KLHL2: variants seen among roughly 807,000 people sequenced by gnomAD.
KLHL2 encodes kelch-like protein 2.
Under a neutral mutation model 75.8 loss-of-function variants are expected in KLHL2, and 15 were observed. That is an observed-to-expected ratio of 0.20 (90% CI 0.13 to 0.30). The LOEUF is 0.30. Among genes scored for constraint, KLHL2 ranks in the 10% least tolerant of loss-of-function variants. The probability of loss-of-function intolerance (pLI) is 1.00; values close to 1 mark genes in which losing one functional copy is unlikely to be tolerated. For missense variants in KLHL2, 381 were observed against 741.0 expected (o/e 0.51, Z 5.64); for synonymous variants, 214 against 251.9 (o/e 0.85, Z 1.42).
intron 3 of KLHL2, among the ~76,000 whole-genome samples, chr4:165,230,429 AT>A (rs2111046054): frequency 6.6e-6 from 1 of 152,304 alleles, no homozygotes; most frequent in South Asian, 2.1e-4. Flanking sequence ...ATATGTGTGA[AT>A]TTCTTAGCAC....
intron 5 of KLHL2, among the ~76,000 whole-genome samples, chr4:165,292,446 C>T (rs548666895): frequency 6.6e-6 from 1 of 152,226 alleles, no homozygotes; most frequent in South Asian, 2.1e-4. Context: ...AATCCTGCCT[C>T]CTCAGCCTCC....
chr4:165,226,034 G>A (rs982531444), intron 2 of KLHL2, among the ~76,000 whole-genome samples: 2 of 152,178 alleles, frequency 1.3e-5, no homozygotes, highest in Non-Finnish European at 2.9e-5. Context: ...AATGTAATTA[G>A]TTATGTGATT....
chr4:165,312,888 G>T (rs1442183864), intron 11 of KLHL2, among the ~76,000 whole-genome samples: 1 of 151,946 alleles, frequency 6.6e-6, no homozygotes, highest in Non-Finnish European at 1.5e-5. Context: ...CCTTTTTTCC[G>T]ATTTCCTAAG....
intron 5 of KLHL2, among the ~76,000 whole-genome samples, chr4:165,266,401 T>C (rs1742246372): frequency 6.6e-6 from 1 of 152,246 alleles, no homozygotes. Flanking sequence ...TGCCCATGCC[T>C]ATGTCCTGAA....
intron 2 of KLHL2, among the ~76,000 whole-genome samples, chr4:165,223,687 T>C (rs1738192822): frequency 6.6e-6 from 1 of 152,116 alleles, no homozygotes; most frequent in African/African-American, 2.4e-5. Context: ...CATGCTAAGA[T>C]TAATGATGTT....
chr4:165,248,764 A>T (rs1170905295), intron 4 of KLHL2, among the ~76,000 whole-genome samples: 1 of 152,204 alleles, frequency 6.6e-6, no homozygotes, highest in Non-Finnish European at 1.5e-5. Context: ...TGAAACTTTG[A>T]GTTCTAGGTT....
At chr4:165,257,995 A>T (rs535759685) in intron 4 of KLHL2, among the ~76,000 whole-genome samples, 1 of 152,194 alleles carries the variant, frequency 6.6e-6, no homozygotes, top group African/African-American at 2.4e-5. Flanking sequence ...TTTAGATGGC[A>T]CACAGATAAA....
At chr4:165,317,685 C>A (rs1314671388) in intron 13 of KLHL2, 141 bp from the exon 14 acceptor site, 4 of 666,528 alleles carry the variant, frequency 6.0e-6, no homozygotes, top group Non-Finnish European at 7.5e-6. Context: ...AAAACGAATT[C>A]TTTTCATGCT....
At chr4:165,273,748 C>G (rs1168702745) in intron 5 of KLHL2, among the ~76,000 whole-genome samples, 1 of 152,204 alleles carries the variant, frequency 6.6e-6, no homozygotes, top group Non-Finnish European at 1.5e-5. Context: ...TGTAAATTGC[C>G]TAGTCTTGCA....
At chr4:165,209,123 CAG>C (rs1344699987) in intron 1 of KLHL2, among the ~76,000 whole-genome samples, 1 of 152,152 alleles carries the variant, frequency 6.6e-6, no homozygotes, top group African/African-American at 2.4e-5. Context: ...CCTGGGCTGA[CAG>C]AAGCAGGGGC....
intron 4 of KLHL2, among the ~76,000 whole-genome samples, chr4:165,252,244 T>A (rs1740795928): frequency 6.6e-6 from 1 of 151,768 alleles, no homozygotes; most frequent in Non-Finnish European, 1.5e-5. Flanking sequence ...TTTTCTTGTT[T>A]GTGATGTTGT....
intron 11 of KLHL2, among the ~76,000 whole-genome samples, chr4:165,311,851 C>G (rs1008740922): frequency 9.1e-6 from 1 of 109,930 alleles, no homozygotes; most frequent in Admixed American, 8.8e-5. Context: ...GTGTGTTTGA[C>G]TTATATAACT....
intron 5 of KLHL2, among the ~76,000 whole-genome samples, chr4:165,287,998 T>C (rs1744214454): frequency 6.6e-6 from 1 of 152,208 alleles, no homozygotes; most frequent in Non-Finnish European, 1.5e-5. Context: ...TTTGATGCAC[T>C]GAACTTTTAA....
intron 5 of KLHL2, among the ~76,000 whole-genome samples, chr4:165,264,674 G>A (rs1317020611): frequency 1.2e-4 from 9 of 76,800 alleles, no homozygotes; most frequent in Middle Eastern, 6.4e-3. Context: ...GTCTACATAC[G>A]TATATGTATG....
chr4:165,310,186 G>T (rs1484796952), intron 9 of KLHL2, among the ~76,000 whole-genome samples: 1 of 152,122 alleles, frequency 6.6e-6, no homozygotes, highest in Non-Finnish European at 1.5e-5. Context: ...TTAGTTGGGT[G>T]TGGTGGCGGG....
At chr4:165,261,803 C>G (rs1741697474) in intron 4 of KLHL2, among the ~76,000 whole-genome samples, 1 of 152,158 alleles carries the variant, frequency 6.6e-6, no homozygotes, top group Non-Finnish European at 1.5e-5. Flanking sequence ...ATGTTTAGGA[C>G]TTACTCCATA....
intron 4 of KLHL2, among the ~76,000 whole-genome samples, chr4:165,241,122 G>GT: frequency 6.6e-6 from 1 of 152,190 alleles, no homozygotes; most frequent in East Asian, 1.9e-4. Context: ...TTTGTTTTAA[G>GT]TTTTTAAGAG....
intron 5 of KLHL2, among the ~76,000 whole-genome samples, chr4:165,285,516 C>T (rs1415557524): frequency 1.3e-5 from 2 of 152,176 alleles, no homozygotes; most frequent in African/African-American, 4.8e-5. Flanking sequence ...AAGCAATTCT[C>T]CTGCCTCAGC....
chr4:165,215,011 T>G (rs1333769452), intron 1 of KLHL2, among the ~76,000 whole-genome samples: 1 of 152,164 alleles, frequency 6.6e-6, no homozygotes, highest in African/African-American at 2.4e-5. Context: ...AGTTCTTACA[T>G]GTCTATAGGG....
Sources: allele counts gnomAD v4.1 joint callset (sites outside exome capture counted in the v4.1 genomes callset), GRCh38; gene constraint gnomAD v4.1.1; transcripts MANE v1.5; gene names NCBI Gene and HGNC (gene_info 2026-07-23, HGNC 2026-07-21).